Variants in PGM5 observed in about 807,000 individuals in gnomAD.
PGM5 encodes the protein phosphoglucomutase 5.
In PGM5, 23 loss-of-function variants were observed where a neutral mutation model predicts 59.2. That is an observed-to-expected ratio of 0.39 (90% CI 0.28 to 0.55). The LOEUF is 0.55. Among genes scored for constraint, PGM5 ranks in the 20% least tolerant of loss-of-function variants. The pLI, the probability that PGM5 is intolerant of heterozygous loss-of-function variation, is 0.66. For synonymous variants in PGM5, 214 were observed against 286.0 expected (o/e 0.75, Z 2.54); for missense variants, 574 against 748.3 (o/e 0.77, Z 2.72).
At chr9:68,375,947 G>T (rs1342980537) in intron 1 of PGM5, among the ~76,000 whole-genome samples, 1 of 152,228 alleles carries the variant, frequency 6.6e-6, no homozygotes. Context: ...ATCATGTTTG[G>T]TATGTTTGAG....
At chr9:68,436,092 C>T (rs1232263968) in intron 6 of PGM5, among the ~76,000 whole-genome samples, 6 of 152,154 alleles carry the variant, frequency 3.9e-5, no homozygotes, top group Non-Finnish European at 8.8e-5. Flanking sequence ...GGAACTAACC[C>T]GGAGACCCAC....
chr9:68,377,840 C>G (rs1295909064), intron 1 of PGM5, among the ~76,000 whole-genome samples: 1 of 152,166 alleles, frequency 6.6e-6, no homozygotes, highest in Non-Finnish European at 1.5e-5. Flanking sequence ...CTTGTAATCT[C>G]TAGCATGTCC....
chr9:68,461,780 C>T (rs1823862806), intron 6 of PGM5, among the ~76,000 whole-genome samples: 1 of 151,616 alleles, frequency 6.6e-6, no homozygotes, highest in African/African-American at 2.4e-5. Flanking sequence ...TCAGCTATCC[C>T]ATTATAAGAG....
At position 68,517,028 on chromosome 9, in the gene PGM5, C is replaced by T. The variant is rs1238391219; in HGVS notation, c.1615-12539C>T. On this transcript the variant is annotated intron_variant, in intron 10 of 10. Transcript: ENST00000396396. ...CCGGGACTACAGGCATGCACCACCA[C>T]GCCCGGCTAATTTTTTGTCTTTTTT... Among the ~76,000 whole-genome samples the T allele has an allele frequency of 5.3e-5, 8 of 151,628 alleles. No homozygotes were observed. In the South Asian group the frequency reaches 8.3e-4, roughly 16 times the overall value.
At position 68,431,820 on chromosome 9, in the gene PGM5, A is replaced by G. The variant is rs115906397; in HGVS notation, c.1044-33273A>G. ...GTCTGAGAGGGGATTGCTGGGGACA[A>G]TGAAACTTGGGTTTGAATAGCACTT... is the stretch of plus-strand genomic sequence containing the variant. On this transcript the variant is annotated intron_variant, in intron 6 of 10. Coordinates refer to ENST00000396396, the MANE Select transcript of PGM5 (RefSeq NM_021965.4). Among the ~76,000 whole-genome samples, 222 of 151,430 alleles carry G rather than the reference A, an allele frequency of 1.5e-3. 1 individual carries two copies. The highest frequency in any genetic ancestry group is 5.1e-3 in the African/African-American group (210 of 41,416).
chr9:68,478,557 A>G (rs1824141489), intron 7 of PGM5, among the ~76,000 whole-genome samples: 1 of 152,202 alleles, frequency 6.6e-6, no homozygotes, highest in Non-Finnish European at 1.5e-5. Context: ...CCAGAAGTCT[A>G]AAACCAAGGT....
intron 6 of PGM5, among the ~76,000 whole-genome samples, chr9:68,412,102 G>A (rs568633131): frequency 4.7e-5 from 7 of 148,810 alleles, no homozygotes; most frequent in Admixed American, 1.4e-4. Context: ...ACAATGAATG[G>A]TTTGCTACAG....
chr9:68,415,820 C>CT (rs1489641049), intron 6 of PGM5, among the ~76,000 whole-genome samples: 17 of 125,096 alleles, frequency 1.4e-4, no homozygotes, highest in South Asian at 5.8e-4. Context: ...TCTATCTTAT[C>CT]TATCTATCAT....
intron 6 of PGM5, among the ~76,000 whole-genome samples, chr9:68,406,690 A>AAATTAGG (rs1822822306): frequency 3.5e-5 from 2 of 57,928 alleles, no homozygotes; most frequent in African/African-American, 1.4e-4. Flanking sequence ...ATATATATAT[A>AAATTAGG]TATATATATA....
intron 6 of PGM5, among the ~76,000 whole-genome samples, chr9:68,450,333 A>G (rs1162663953): frequency 6.6e-6 from 1 of 152,218 alleles, no homozygotes; most frequent in Non-Finnish European, 1.5e-5. Context: ...AAGACCTGTA[A>G]CCCAGAATAT....
intron 7 of PGM5, 78 bp from the exon 8 acceptor site, chr9:68,479,340 A>T: frequency 7.5e-7 from 1 of 1,333,336 alleles, no homozygotes; most frequent in Non-Finnish European, 1.0e-6. Context: ...TCAATCACTA[A>T]CTGGTCTTCT....
rs534491559 is a variant in PGM5, at chr9:68,453,612, C to T, written c.1044-11481C>T. ...TTGGCCTCCCAAAGTGTTGGGATTACAGGGGTGAACATGCTGTAATCTCCC... is the reference window on the plus strand; with the variant it reads ...TTGGCCTCCCAAAGTGTTGGGATTATAGGGGTGAACATGCTGTAATCTCCC... On this transcript the variant is annotated intron_variant, in intron 6 of 10. Transcript: ENST00000396396. Among the ~76,000 whole-genome samples the T allele has an allele frequency of 7.9e-5, 12 of 152,352 alleles. No homozygotes were observed. The East Asian group carries it at 2.3e-3, about 29-fold the overall frequency.
At chr9:68,482,095 C>T (rs114944128) in intron 8 of PGM5, among the ~76,000 whole-genome samples, 1,846 of 152,128 alleles carry the variant, frequency 0.012, 31 homozygotes, top group African/African-American at 0.041. Flanking sequence ...GGTGATCAGA[C>T]GGGGATTTGG....
At chr9:68,379,561 G>T (rs534220490) in intron 2 of PGM5, among the ~76,000 whole-genome samples, 1 of 152,076 alleles carries the variant, frequency 6.6e-6, no homozygotes, top group African/African-American at 2.4e-5. Flanking sequence ...AAAGTAACCA[G>T]AAAACAATTA....
At position 68,357,190 on chromosome 9, in the gene PGM5, G is replaced by A. The variant is rs1834468228; in HGVS notation, c.63G>A (p.Pro21=). Residue 21 remains proline, a synonymous_variant, in exon 1 of 11, where the codon CCG becomes CCA. Transcript: ENST00000396396. The part of the protein sequence containing the change: ...VPTAPYEDQR[P]AGGGGLRRPT... The stretch of plus-strand genomic sequence containing the variant: ...CCGCGCCCTACGAGGACCAGCGGCC[G>A]GCCGGCGGCGGGGGTCTGCGGCGAC... 1.9e-6 allele frequency: 3 copies of A among 1,539,734 alleles called. No individual in the cohort carries two copies. The highest frequency in any genetic ancestry group is 2.6e-6 in the Non-Finnish European group (3 of 1,145,720).
chr9:68,406,530 A>T (rs1373871662), intron 6 of PGM5: 2 of 150,448 alleles, frequency 1.3e-5, no homozygotes, highest in East Asian at 3.9e-4. Context: ...CAGAGTCCTC[A>T]TGACCCAATC....
At chr9:68,393,914 T>C (rs2933529) in intron 6 of PGM5, 4 of 152,182 alleles carry the variant, frequency 2.6e-5, no homozygotes, top group Admixed American at 1.3e-4. Flanking sequence ...TTTATATATT[T>C]GTATACTACA....
At chr9:68,426,330 G>A (rs1436261633) in intron 6 of PGM5, among the ~76,000 whole-genome samples, 1 of 151,012 alleles carries the variant, frequency 6.6e-6, no homozygotes, top group Non-Finnish European at 1.5e-5. Context: ...TATCCAGTGA[G>A]GAAAATATAT....
Position 68,376,815 on chromosome 9 carries a change from T to TTCTTTCTTTCTTTC in PGM5, c.262-1382_262-1369dup, listed in dbSNP as rs1563984750. 2.6e-3 allele frequency among the ~76,000 whole-genome samples: 271 copies of TTCTTTCTTTCTTTC among 103,094 alleles called. 2 individuals are homozygous for TTCTTTCTTTCTTTC. The highest frequency in any genetic ancestry group is 9.8e-3 in the African/African-American group (225 of 22,916). 67.6% of individuals were successfully genotyped at this position (103,094 alleles called of 152,430 possible). A position where few individuals can be genotyped will look rare whatever the true frequency, so the allele number is the denominator to read the frequency against. On this transcript the variant is annotated intron_variant, in intron 1 of 10. Coordinates refer to ENST00000396396, the MANE Select transcript of PGM5 (RefSeq NM_021965.4). ...TTTCTTTCTTTCTTTCTTTCTTTCTTTCTTTCTTTCTTTCTTTCTCTTTCT... is the reference window on the plus strand; with the variant it reads ...TTTCTTTCTTTCTTTCTTTCTTTCTTTCTTTCTTTCTTTCTCTTTCTTTCTTTCTTTCTCTTTCT...
Sources: allele counts gnomAD v4.1 joint callset (sites outside exome capture counted in the v4.1 genomes callset), GRCh38; gene constraint gnomAD v4.1.1; transcripts MANE v1.5; gene names NCBI Gene and HGNC (gene_info 2026-07-23, HGNC 2026-07-21).